Variants in RBFOX1 observed in about 807,000 individuals in gnomAD.
The protein encoded by RBFOX1 is RNA binding fox-1 homolog 1, also known as RNA binding protein fox-1 homolog 1.
A neutral mutation model predicts 57.7 loss-of-function variants in RBFOX1; 8 were observed. The ratio of observed to expected loss-of-function variants is 0.14; its 90% CI spans 0.08 to 0.25. The LOEUF is 0.25. Ranked by LOEUF, RBFOX1 falls within the 10% of genes least tolerant of loss-of-function variation. RBFOX1 has a pLI of 1.00. For synonymous variants in RBFOX1, 326 were observed against 222.4 expected (o/e 1.47, Z -4.15); for missense variants, 611 against 548.5 (o/e 1.11, Z -1.14).
At chr16:7,359,828 T>A (rs28452287) in intron 4 of RBFOX1, among the ~76,000 whole-genome samples, 2,534 of 151,862 alleles carry the variant, frequency 0.017, 72 homozygotes, top group African/African-American at 0.058. Flanking sequence ...ACTGAAAATA[T>A]GAAAAATTAG....
At chr16:5,806,635 C>A (rs918323397) in intron 3 of RBFOX1, among the ~76,000 whole-genome samples, 1 of 152,170 alleles carries the variant, frequency 6.6e-6, no homozygotes, top group Non-Finnish European at 1.5e-5. Context: ...AAAAATCAAG[C>A]CCAAGACAGT....
At chr16:6,957,940 A>T (rs920525892) in intron 3 of RBFOX1, among the ~76,000 whole-genome samples, 1 of 152,132 alleles carries the variant, frequency 6.6e-6, no homozygotes, top group Non-Finnish European at 1.5e-5. Context: ...CCGAGAAGTC[A>T]CACAGCATCA....
At chr16:5,751,794 C>G (rs961055685) in intron 3 of RBFOX1, among the ~76,000 whole-genome samples, 1 of 152,148 alleles carries the variant, frequency 6.6e-6, no homozygotes, top group African/African-American at 2.4e-5. Context: ...TATATTAAAC[C>G]CATTTTAATG....
chr16:7,516,536 A>G (rs1471569610), intron 4 of RBFOX1, among the ~76,000 whole-genome samples: 1 of 152,228 alleles, frequency 6.6e-6, no homozygotes, highest in Non-Finnish European at 1.5e-5. Context: ...CCAAGGATGG[A>G]CAAGGTTAAC....
intron 2 of RBFOX1, among the ~76,000 whole-genome samples, chr16:6,493,886 A>G (rs1439026760): frequency 1.3e-5 from 2 of 152,210 alleles, no homozygotes; most frequent in Non-Finnish European, 2.9e-5. Context: ...TAAGTACAAG[A>G]AATCATCTTT....
At chr16:7,698,358 T>G (rs1468205480) in intron 14 of RBFOX1, among the ~76,000 whole-genome samples, 1 of 152,028 alleles carries the variant, frequency 6.6e-6, no homozygotes, top group Non-Finnish European at 1.5e-5. Context: ...CACAACCATG[T>G]GGGGTGAGGG....
chr16:7,440,454 G>A (rs1367600888), intron 4 of RBFOX1, among the ~76,000 whole-genome samples: 1 of 152,120 alleles, frequency 6.6e-6, no homozygotes, highest in Admixed American at 6.5e-5. Flanking sequence ...CACAACCCCA[G>A]TTAATGATGG....
At chr16:7,612,231 G>C (rs1399390060) in intron 10 of RBFOX1, among the ~76,000 whole-genome samples, 2 of 146,796 alleles carry the variant, frequency 1.4e-5, no homozygotes, top group African/African-American at 5.2e-5. Flanking sequence ...AGAGGCAGGA[G>C]AATGGCATGA....
At chr16:6,713,914 C>T (rs767811578) in intron 3 of RBFOX1, among the ~76,000 whole-genome samples, 1 of 152,176 alleles carries the variant, frequency 6.6e-6, no homozygotes, top group African/African-American at 2.4e-5. Context: ...ATCCTTTTCT[C>T]AGCTGGGTTC....
intron 3 of RBFOX1, among the ~76,000 whole-genome samples, chr16:6,688,167 C>G (rs538376475): frequency 2.0e-5 from 3 of 151,766 alleles, no homozygotes; most frequent in African/African-American, 7.3e-5. Flanking sequence ...TTTCAGAAGA[C>G]TTTCAGTCAT....
At chr16:7,044,052 C>T (rs1240620027) in intron 3 of RBFOX1, among the ~76,000 whole-genome samples, 1 of 152,070 alleles carries the variant, frequency 6.6e-6, no homozygotes, top group Non-Finnish European at 1.5e-5. Flanking sequence ...TGTAATTATC[C>T]ATAGACTCAT....
chr16:7,546,014 TAAAA>T lies in RBFOX1; in HGVS notation c.270+27638_270+27641del, dbSNP rs71150312. On this transcript the variant is annotated intron_variant, in intron 5 of 15. Transcript: ENST00000550418. ...CTATTATTCTGTGACTCTGAGCTTA[TAAAA>T]AAAAAAAAAAAAGAAAAAGAAAATC... Among the ~76,000 whole-genome samples, 16 of 134,142 alleles carry T rather than the reference TAAAA, an allele frequency of 1.2e-4. No homozygotes were observed. The East Asian group carries it at 2.8e-3, about 23-fold the overall frequency. The allele number at this position is 134,142 out of a possible 152,430, so 88.0% of individuals were successfully genotyped here.
At chr16:6,145,261 C>A (rs1391859929) in intron 1 of RBFOX1, among the ~76,000 whole-genome samples, 4 of 152,152 alleles carry the variant, frequency 2.6e-5, no homozygotes, top group African/African-American at 9.6e-5. Flanking sequence ...CATTTAGCTC[C>A]CACTTATAAG....
At chr16:7,450,785 G>C (rs1027881012) in intron 4 of RBFOX1, among the ~76,000 whole-genome samples, 28 of 152,146 alleles carry the variant, frequency 1.8e-4, no homozygotes, top group African/African-American at 6.8e-4. Context: ...GACCCCAGTA[G>C]ACATTGAAGA....
chr16:7,233,214 CTT>C (rs138143623), intron 4 of RBFOX1, among the ~76,000 whole-genome samples: 4,860 of 144,474 alleles, frequency 0.034, 222 homozygotes, highest in African/African-American at 0.11. Flanking sequence ...TAAACTCATC[CTT>C]TTTTTTTTTT....
intron 1 of RBFOX1, among the ~76,000 whole-genome samples, chr16:6,124,772 C>T (rs1376669503): frequency 6.6e-6 from 1 of 152,120 alleles, no homozygotes; most frequent in Non-Finnish European, 1.5e-5. Context: ...AAGTGATCTG[C>T]CCGCCTTGGC....
At chr16:5,708,834 A>G (rs997778957) in intron 3 of RBFOX1, among the ~76,000 whole-genome samples, 4 of 152,194 alleles carry the variant, frequency 2.6e-5, no homozygotes, top group African/African-American at 7.2e-5. Flanking sequence ...CATGGGCCAC[A>G]ATTTCTAACT....
intron 1 of RBFOX1, among the ~76,000 whole-genome samples, chr16:6,055,321 G>A (rs754678867): frequency 4.7e-4 from 72 of 151,952 alleles, no homozygotes; most frequent in Admixed American, 3.1e-3. Flanking sequence ...TGCTGGGCGC[G>A]GTGGCTCACA....
intron 4 of RBFOX1, among the ~76,000 whole-genome samples, chr16:5,948,089 TGA>T (rs1406149203): frequency 6.6e-6 from 1 of 152,128 alleles, no homozygotes; most frequent in Non-Finnish European, 1.5e-5. Flanking sequence ...GTGGGCATGG[TGA>T]GTCTATGTTT....
Sources: gnomAD v4.1 joint callset for allele counts (sites outside exome capture counted in the v4.1 genomes callset) on GRCh38, gnomAD v4.1.1 for gene constraint, MANE v1.5 for transcripts, NCBI Gene and HGNC (gene_info 2026-07-23, HGNC 2026-07-21) for gene names.